The following EPHA3 variants were observed in gnomAD, a reference collection of about 807,000 sequenced individuals.
EPHA3 encodes the protein ephrin type-A receptor 3.
In EPHA3, 42 loss-of-function variants were observed where a neutral mutation model predicts 107.1. The observed-to-expected ratio is 0.39, with a 90% CI of 0.31 to 0.51. The LOEUF is 0.51. Among genes scored for constraint, EPHA3 ranks in the 20% least tolerant of loss-of-function variants. The pLI, the probability that EPHA3 is intolerant of heterozygous loss-of-function variation, is 0.78. For missense variants in EPHA3, 1,183 were observed against 1,211.2 expected (o/e 0.98, Z 0.35); for synonymous variants, 461 against 424.8 (o/e 1.09, Z -1.05).
chr3:89,294,587 A>T (rs1221589518), intron 3 of EPHA3, among the ~76,000 whole-genome samples: 9 of 151,980 alleles, frequency 5.9e-5, no homozygotes, highest in Admixed American at 5.9e-4. Context: ...GCTCATGAAA[A>T]TTTTCCTGTA....
chr3:89,167,552 A>C (rs1705101821), intron 2 of EPHA3, among the ~76,000 whole-genome samples: 1 of 152,086 alleles, frequency 6.6e-6, no homozygotes, highest in African/African-American at 2.4e-5. Flanking sequence ...CTAACTCCAT[A>C]GTTTGAAGTT....
At chr3:89,130,413 A>G (rs1704181071) in intron 2 of EPHA3, among the ~76,000 whole-genome samples, 1 of 152,186 alleles carries the variant, frequency 6.6e-6, no homozygotes. Flanking sequence ...AAAATAAATA[A>G]GTGATTCATT....
At position 89,306,459 on chromosome 3, in the gene EPHA3, T is replaced by C. The variant is rs533212738; in HGVS notation, c.815-34457T>C. Among the ~76,000 whole-genome samples, 13 of 152,296 alleles carry C rather than the reference T, an allele frequency of 8.5e-5. No individual in the cohort carries two copies. The East Asian group carries it at 2.1e-3, about 25-fold the overall frequency. ...TCTGTGGCTACAGTAGAATTAATGT[T>C]AACAGTGGCTTTCAGAAAATTTAAT... is the stretch of plus-strand genomic sequence containing the variant. On this transcript the variant is annotated intron_variant, in intron 3 of 16. Coordinates refer to ENST00000336596, the MANE Select transcript of EPHA3 (RefSeq NM_005233.6).
chr3:89,207,389 C>A (rs1477553838), intron 2 of EPHA3, among the ~76,000 whole-genome samples: 3 of 152,160 alleles, frequency 2.0e-5, no homozygotes, highest in Admixed American at 6.5e-5. Flanking sequence ...ACTATGCTCA[C>A]AACCTGGGTG....
intron 5 of EPHA3, among the ~76,000 whole-genome samples, chr3:89,374,547 A>G (rs1039979504): frequency 6.6e-6 from 1 of 151,912 alleles, no homozygotes; most frequent in African/African-American, 2.4e-5. Flanking sequence ...TTAATAACCA[A>G]AAGTGAAGAG....
intron 3 of EPHA3, among the ~76,000 whole-genome samples, chr3:89,261,035 C>G (rs981612657): frequency 3.9e-5 from 6 of 152,170 alleles, no homozygotes; most frequent in African/African-American, 1.4e-4. Context: ...GACATGCTGG[C>G]TGAGCTTGCT....
chr3:89,413,800 A>T (rs1709198699), intron 10 of EPHA3, among the ~76,000 whole-genome samples: 1 of 151,714 alleles, frequency 6.6e-6, no homozygotes, highest in African/African-American at 2.4e-5. Context: ...TTTTTTTAAT[A>T]AATATACCTT....
chr3:89,251,303 G>T (rs1705161555), intron 3 of EPHA3, among the ~76,000 whole-genome samples: 1 of 151,794 alleles, frequency 6.6e-6, no homozygotes, highest in Non-Finnish European at 1.5e-5. Context: ...CACCTACCTG[G>T]GGGATTTTTT....
intron 5 of EPHA3, among the ~76,000 whole-genome samples, chr3:89,375,005 C>A (rs1193378532): frequency 6.6e-6 from 1 of 151,766 alleles, no homozygotes; most frequent in Non-Finnish European, 1.5e-5. Context: ...CAGCTTACAA[C>A]TCAATTTCAC....
intron 7 of EPHA3, among the ~76,000 whole-genome samples, chr3:89,404,466 G>C (rs1559683547): frequency 6.6e-6 from 1 of 152,136 alleles, no homozygotes; most frequent in Non-Finnish European, 1.5e-5. Flanking sequence ...ACTCTTTTGA[G>C]AGAGAAAGCC....
rs367958878 is a variant in EPHA3 at position 89,244,941 on chromosome 3, T to C, written c.814+34421T>C. On this transcript the variant is annotated intron_variant, in intron 3 of 16. Coordinates refer to ENST00000336596, the MANE Select transcript of EPHA3 (RefSeq NM_005233.6). ...GTTCAATTGCAGTTAACCCTGCAGA[T>C]GAACAGTTACGCTCTCATTATTCAG... 2.0e-5 allele frequency among the ~76,000 whole-genome samples: 3 copies of C among 152,210 alleles called. No individual in the cohort carries two copies. In the East Asian group the frequency reaches 5.8e-4, roughly 29 times the overall value.
chr3:89,450,660 C>A (rs1034765399), intron 15 of EPHA3, among the ~76,000 whole-genome samples: 8 of 152,140 alleles, frequency 5.3e-5, no homozygotes, highest in Middle Eastern at 3.4e-3. Flanking sequence ...GTGGCTCGTG[C>A]CTGTAATCCA....
rs116745799 is a variant in EPHA3 at position 89,405,924 on chromosome 3, C to T, written c.1595-1345C>T. Among the ~76,000 whole-genome samples, 1,434 of 152,210 alleles carry T rather than the reference C, an allele frequency of 9.4e-3. 25 individuals are homozygous for T. Among genetic ancestry groups the T allele is most frequent in the African/African-American group, 0.033 (1,371 of 41,524 alleles). The stretch of plus-strand genomic sequence containing the variant: ...ACAGATTCTAAATGGCTTTTACACG[C>T]TCTGCTATGAAATTTGCATCTTATC... On this transcript the variant is annotated intron_variant, in intron 7 of 16. Transcript: ENST00000336596.
intron 2 of EPHA3, among the ~76,000 whole-genome samples, chr3:89,175,800 A>T (rs1334607608): frequency 6.6e-6 from 1 of 152,044 alleles, no homozygotes; most frequent in Non-Finnish European, 1.5e-5. Flanking sequence ...GTTCTCTTAT[A>T]TTCTGGTACC....
At chr3:89,174,666 A>G (rs1363591670) in intron 2 of EPHA3, among the ~76,000 whole-genome samples, 4 of 152,012 alleles carry the variant, frequency 2.6e-5, no homozygotes, top group African/African-American at 7.2e-5. Context: ...AATCAGAGCC[A>G]ACAGTCTTAG....
At chr3:89,110,873 CT>C (rs983088968) in intron 1 of EPHA3, among the ~76,000 whole-genome samples, 14 of 152,082 alleles carry the variant, frequency 9.2e-5, no homozygotes, top group African/African-American at 3.4e-4. Flanking sequence ...AAAATACTTT[CT>C]TTAAACACTT....
intron 3 of EPHA3, among the ~76,000 whole-genome samples, chr3:89,283,865 A>G (rs931997840): frequency 6.6e-6 from 1 of 152,078 alleles, no homozygotes; most frequent in African/African-American, 2.4e-5. Context: ...CAAATGGAAT[A>G]TGTTTTGTCT....
chr3:89,238,907 C>A (rs1197797058), intron 3 of EPHA3, among the ~76,000 whole-genome samples: 1 of 152,098 alleles, frequency 6.6e-6, no homozygotes, highest in Non-Finnish European at 1.5e-5. Flanking sequence ...ATTTGGTATC[C>A]ATGAATCTAC....
At chr3:89,137,502 C>G (rs1704338792) in intron 2 of EPHA3, among the ~76,000 whole-genome samples, 1 of 151,836 alleles carries the variant, frequency 6.6e-6, no homozygotes, top group South Asian at 2.1e-4. Context: ...TTACGTAAGT[C>G]CCATGTCCCA....
Sources: gnomAD v4.1 joint callset for allele counts (sites outside exome capture counted in the v4.1 genomes callset) on GRCh38, gnomAD v4.1.1 for gene constraint, MANE v1.5 for transcripts, NCBI Gene and HGNC (gene_info 2026-07-23, HGNC 2026-07-21) for gene names.